Variants in UBR3 observed in about 807,000 individuals in gnomAD.
UBR3 encodes E3 ubiquitin-protein ligase UBR3.
UBR3 carries 85 observed loss-of-function variants against 243.2 expected under a neutral mutation model. The ratio of observed to expected loss-of-function variants is 0.35; its 90% confidence interval spans 0.29 to 0.42. The LOEUF (loss-of-function observed/expected upper bound fraction) is 0.42. Among genes scored for constraint, UBR3 ranks in the 10% least tolerant of loss-of-function variants. The probability of loss-of-function intolerance (pLI) is 1.00; values close to 1 mark genes in which losing one functional copy is unlikely to be tolerated. For synonymous variants in UBR3, 748 were observed against 799.8 expected (o/e 0.94, Z 1.09); for missense variants, 1,686 against 2,300.8 (o/e 0.73, Z 5.47).
chr2:169,838,128 C>G (rs1042140472), intron 1 of UBR3, among the ~76,000 whole-genome samples: 1 of 152,078 alleles, frequency 6.6e-6, no homozygotes, highest in Non-Finnish European at 1.5e-5. Context: ...AAGATGTTGA[C>G]TGGCATCACA....
In UBR3 at chr2:169,924,006, A is replaced by G; in HGVS notation, c.1932+12A>G. 1 of 1,535,340 alleles carries G rather than the reference A, an allele frequency of 6.5e-7. No homozygotes were observed. Reference sequence around the variant, plus strand: ...TGTTTTTGAGTAAGGTAAGACTGTCATTAAACAATTCTGTTCTTTTTTTTT... The same window carrying G: ...TGTTTTTGAGTAAGGTAAGACTGTCGTTAAACAATTCTGTTCTTTTTTTTT... On this transcript the variant is annotated intron_variant, in intron 12 of 38. Transcript: ENST00000272793.
intron 24 of UBR3, among the ~76,000 whole-genome samples, chr2:169,978,129 C>A (rs1379228599): frequency 6.6e-6 from 1 of 152,146 alleles, no homozygotes; most frequent in African/African-American, 2.4e-5. Context: ...GCAGTGGTGA[C>A]ATAGGCTGTT....
rs1260475059 is a variant in UBR3 at position 169,875,776 on chromosome 2, C to CT, written c.686-8dup. The CT allele has an allele frequency of 6.7e-7, 1 of 1,489,768 alleles. No individual in the cohort carries two copies. Among genetic ancestry groups the CT allele is most frequent in the South Asian group, 1.4e-5 (1 of 73,190 alleles). 92.3% of individuals were successfully genotyped at this position (1,489,768 alleles called of 1,614,324 possible). ...AAATTACCCTTATTTGATTTTTTTTCTTTTTTTCTTTTAGCAGCTGATGGA... is the reference window on the plus strand; with the variant it reads ...AAATTACCCTTATTTGATTTTTTTTCTTTTTTTTCTTTTAGCAGCTGATGGA... On this transcript the variant is annotated splice_polypyrimidine_tract_variant and intron_variant, in intron 2 of 38. Coordinates refer to ENST00000272793, the MANE Select transcript of UBR3 (RefSeq NM_172070.4).
chr2:170,032,299 T>C (rs1314189725), intron 31 of UBR3, among the ~76,000 whole-genome samples: 1 of 152,074 alleles, frequency 6.6e-6, no homozygotes, highest in African/African-American at 2.4e-5. Context: ...CATATCTGGA[T>C]ATTTGGATTT....
At position 170,000,140 on chromosome 2, in the gene UBR3, T is replaced by C. The variant is rs186683235; in HGVS notation, c.3919-1164T>C. 5.8e-3 allele frequency among the ~76,000 whole-genome samples: 842 copies of C among 146,386 alleles called. 7 individuals carry two copies. Among genetic ancestry groups the C allele is most frequent in the African/African-American group, 0.02 (792 of 39,042 alleles). ...AAACTTAATCTCAAAAAAAAAAACC[T>C]CAAAAAACAAAACAAAAAAAAAACA... On this transcript the variant is annotated intron_variant, in intron 26 of 38. Transcript: ENST00000272793.
intron 29 of UBR3, among the ~76,000 whole-genome samples, chr2:170,011,330 A>T (rs1189427829): frequency 6.6e-6 from 1 of 152,188 alleles, no homozygotes; most frequent in African/African-American, 2.4e-5. Flanking sequence ...AACATATAAC[A>T]TTCCTAAAAG....
At chr2:169,832,147 A>G (rs2081959997) in intron 1 of UBR3, among the ~76,000 whole-genome samples, 1 of 152,252 alleles carries the variant, frequency 6.6e-6, no homozygotes, top group South Asian at 2.1e-4. Context: ...ACTGAGTAGT[A>G]TTGATATAAT....
At chr2:170,064,635 C>T (rs965713101) in intron 35 of UBR3, among the ~76,000 whole-genome samples, 1 of 151,664 alleles carries the variant, frequency 6.6e-6, no homozygotes, top group African/African-American at 2.4e-5. Context: ...CTTTTTTGGA[C>T]TGATTTTTCA....
intron 5 of UBR3, among the ~76,000 whole-genome samples, chr2:169,887,236 T>A (rs1056998448): frequency 2.6e-5 from 4 of 152,250 alleles, no homozygotes; most frequent in Non-Finnish European, 4.4e-5. Context: ...GTAGCAATAG[T>A]GCCTACTTCC....
intron 31 of UBR3, among the ~76,000 whole-genome samples, chr2:170,039,789 G>A (rs1026587396): frequency 3.9e-5 from 6 of 152,024 alleles, no homozygotes; most frequent in Admixed American, 1.3e-4. Context: ...ACCTTCTAAA[G>A]GCATTTAAAA....
chr2:169,985,866 C>T (rs1252512782), intron 24 of UBR3, among the ~76,000 whole-genome samples: 1 of 152,048 alleles, frequency 6.6e-6, no homozygotes, highest in East Asian at 1.9e-4. Flanking sequence ...TACATATTTA[C>T]TTAGATGTGC....
At chr2:169,845,341 T>C (rs1006112114) in intron 1 of UBR3, among the ~76,000 whole-genome samples, 34 of 150,708 alleles carry the variant, frequency 2.3e-4, no homozygotes, top group African/African-American at 8.1e-4. Context: ...GAGGGTTACT[T>C]GAGTCTGGGA....
rs542737078 is a variant in UBR3, at chr2:169,855,394, G to A, written c.546-16842G>A. The stretch of plus-strand genomic sequence containing the variant: ...TATTGATCATTCTTGGGTGTTTCTC[G>A]GAGAGGGGGATTTGGCAGGGTCATA... On this transcript the variant is annotated intron_variant, in intron 1 of 38. Transcript: ENST00000272793. Among the ~76,000 whole-genome samples, 7 of 151,286 alleles carry A rather than the reference G, an allele frequency of 4.6e-5. No homozygotes were observed. In the East Asian group the frequency reaches 5.8e-4, roughly 13 times the overall value.
chr2:170,037,393 T>C (rs1187042338), intron 31 of UBR3, among the ~76,000 whole-genome samples: 1 of 152,104 alleles, frequency 6.6e-6, no homozygotes, highest in South Asian at 2.1e-4. Flanking sequence ...CCCTCACTTA[T>C]AATTTTTTTT....
intron 11 of UBR3, among the ~76,000 whole-genome samples, chr2:169,917,180 AC>A (rs1411161440): frequency 1.3e-5 from 2 of 152,058 alleles, no homozygotes; most frequent in Admixed American, 6.6e-5. Context: ...TGACCAACTC[AC>A]CTTGATTCTT....
chr2:169,959,353 C>T (rs894797165), intron 24 of UBR3, among the ~76,000 whole-genome samples: 4 of 146,902 alleles, frequency 2.7e-5, no homozygotes, highest in African/African-American at 9.7e-5. Flanking sequence ...ATTGAGCACC[C>T]CTAATCTGAA....
chr2:169,909,640 A>G lies in UBR3; in HGVS notation c.1779+3476A>G, dbSNP rs78583180. ...TTTACATTTCAGAATTGCTAAAGGA[A>G]TAGATTTGTAATGCTCTCACTACAA... On this transcript the variant is annotated intron_variant, in intron 10 of 38. Coordinates refer to ENST00000272793, the MANE Select transcript of UBR3 (RefSeq NM_172070.4). 3.7e-4 allele frequency among the ~76,000 whole-genome samples: 57 copies of G among 152,256 alleles called. No individual in the cohort carries two copies. The East Asian group carries it at 0.01, about 27-fold the overall frequency.
At chr2:170,073,394 A>G (rs750668069) in intron 35 of UBR3, 34 bp from the exon 36 acceptor site, 1 of 1,610,030 alleles carries the variant, frequency 6.2e-7, no homozygotes, top group Non-Finnish European at 8.5e-7. Context: ...TCTTGATGAA[A>G]TATTTTCAGA....
chr2:169,995,254 C>T lies in UBR3; in HGVS notation c.3918+798C>T, dbSNP rs571629547. Among the ~76,000 whole-genome samples, 7 of 152,216 alleles carry T rather than the reference C, an allele frequency of 4.6e-5. No homozygotes were observed. In the South Asian group the frequency reaches 1.2e-3, roughly 27 times the overall value. ...CATGGTAATAGGAAGTGCTCTTTAACGATTTTCACTTTGCAAACATTTATT... is the reference window on the plus strand; with the variant it reads ...CATGGTAATAGGAAGTGCTCTTTAATGATTTTCACTTTGCAAACATTTATT... On this transcript the variant is annotated intron_variant, in intron 26 of 38. Transcript: ENST00000272793.
Sources: gnomAD v4.1 joint callset for allele counts (sites outside exome capture counted in the v4.1 genomes callset) on GRCh38, gnomAD v4.1.1 for gene constraint, MANE v1.5 for transcripts, NCBI Gene and HGNC (gene_info 2026-07-23, HGNC 2026-07-21) for gene names.